The following MAGI2 variants were observed in gnomAD, a reference collection of about 807,000 sequenced individuals.
MAGI2 encodes the protein membrane-associated guanylate kinase, WW and PDZ domain-containing protein 2.
In MAGI2, 35 loss-of-function variants were observed where a neutral mutation model predicts 133.3. The observed-to-expected ratio is 0.26, with a 90% CI of 0.20 to 0.35. The LOEUF (loss-of-function observed/expected upper bound fraction) is 0.35, where lower values mean the gene tolerates loss of function less well. Ranked by LOEUF, MAGI2 falls within the 10% of genes least tolerant of loss-of-function variation. MAGI2 has a pLI of 1.00. For synonymous variants in MAGI2, 729 were observed against 710.6 expected (o/e 1.03, Z -0.41); for missense variants, 1,636 against 1,863.4 (o/e 0.88, Z 2.25).
At chr7:78,733,953 G>A (rs1233808340) in intron 2 of MAGI2, among the ~76,000 whole-genome samples, 1 of 152,134 alleles carries the variant, frequency 6.6e-6, no homozygotes, top group Non-Finnish European at 1.5e-5. Context: ...AAATAGCAAA[G>A]AACAATAGTA....
intron 3 of MAGI2, among the ~76,000 whole-genome samples, chr7:78,606,162 G>A (rs1399346763): frequency 3.3e-5 from 5 of 152,140 alleles, no homozygotes; most frequent in African/African-American, 1.2e-4. Context: ...GGGTGTACAG[G>A]AGGGACAGAA....
chr7:78,328,314 CTG>C (rs10549029), intron 9 of MAGI2, among the ~76,000 whole-genome samples: 1,754 of 152,104 alleles, frequency 0.012, 49 homozygotes, highest in African/African-American at 0.04. Flanking sequence ...AGGTTCTACT[CTG>C]TAAGTTTTGA....
At chr7:79,011,884 T>TTCCTTCCTTC (rs1562785044) in intron 1 of MAGI2, among the ~76,000 whole-genome samples, 64 of 103,378 alleles carry the variant, frequency 6.2e-4, no homozygotes, top group East Asian at 1.4e-3. Flanking sequence ...TTCCTTCCTT[T>TTCCTTCCTTC]CTTCCTTCCT....
At chr7:78,368,917 T>A (rs1168780757) in intron 7 of MAGI2, among the ~76,000 whole-genome samples, 1 of 152,124 alleles carries the variant, frequency 6.6e-6, no homozygotes, top group Non-Finnish European at 1.5e-5. Flanking sequence ...TAGAGGACAG[T>A]GTGAAACACA....
chr7:79,067,584 A>G (rs570066416), intron 1 of MAGI2, among the ~76,000 whole-genome samples: 60 of 152,284 alleles, frequency 3.9e-4, no homozygotes, highest in African/African-American at 1.2e-3. Flanking sequence ...TTCCTAATTG[A>G]ATACCATTTA....
chr7:79,003,305 G>T (rs1265430540), intron 2 of MAGI2, among the ~76,000 whole-genome samples: 2 of 152,122 alleles, frequency 1.3e-5, no homozygotes, highest in African/African-American at 4.8e-5. Context: ...GATGTAGTTG[G>T]TGGTAGAGTA....
At chr7:78,155,034 A>G (rs1377970823) in intron 16 of MAGI2, among the ~76,000 whole-genome samples, 3 of 152,236 alleles carry the variant, frequency 2.0e-5, no homozygotes, top group Non-Finnish European at 4.4e-5. Context: ...AAACTTCCCA[A>G]ATACACCAAA....
chr7:78,672,247 G>T (rs1255952787), intron 2 of MAGI2, among the ~76,000 whole-genome samples: 1 of 152,050 alleles, frequency 6.6e-6, no homozygotes, highest in Non-Finnish European at 1.5e-5. Flanking sequence ...AGAACTGGTT[G>T]TTAAAAAGAG....
chr7:78,647,232 T>C (rs1384862837), intron 2 of MAGI2, among the ~76,000 whole-genome samples: 1 of 151,864 alleles, frequency 6.6e-6, no homozygotes, highest in Non-Finnish European at 1.5e-5. Context: ...TGGGAGAAAA[T>C]TTTTGCAATC....
intron 2 of MAGI2, among the ~76,000 whole-genome samples, chr7:78,763,228 AAAAG>A (rs1431550508): frequency 1.3e-5 from 2 of 152,218 alleles, no homozygotes; most frequent in East Asian, 1.9e-4. Flanking sequence ...AATCAATCAT[AAAAG>A]AAAGACTTAT....
chr7:78,910,232 T>C (rs1798304784), intron 2 of MAGI2, among the ~76,000 whole-genome samples: 1 of 151,212 alleles, frequency 6.6e-6, no homozygotes, highest in South Asian at 2.1e-4. Flanking sequence ...CCTGCACATT[T>C]TGCACGTGAA....
At chr7:78,649,535 AAGTT>A (rs1441776024) in intron 2 of MAGI2, among the ~76,000 whole-genome samples, 2 of 152,178 alleles carry the variant, frequency 1.3e-5, no homozygotes, top group African/African-American at 2.4e-5. Context: ...CAAATTTAAA[AAGTT>A]AGTATCATTT....
chr7:79,005,489 G>A (rs936805731), intron 2 of MAGI2, among the ~76,000 whole-genome samples: 1 of 152,088 alleles, frequency 6.6e-6, no homozygotes, highest in African/African-American at 2.4e-5. Flanking sequence ...CTCTATTTAA[G>A]AAGTTAATTA....
chr7:78,425,030 G>A (rs1485138938), intron 6 of MAGI2, among the ~76,000 whole-genome samples: 1 of 152,066 alleles, frequency 6.6e-6, no homozygotes, highest in Non-Finnish European at 1.5e-5. Context: ...GATTTGGGAG[G>A]GGCCAGGGAC....
chr7:78,993,185 A>C (rs956844703), intron 2 of MAGI2, among the ~76,000 whole-genome samples: 2 of 152,098 alleles, frequency 1.3e-5, no homozygotes, highest in African/African-American at 4.8e-5. Context: ...TACATTTCTT[A>C]GTAGCTTATA....
intron 12 of MAGI2, among the ~76,000 whole-genome samples, chr7:78,186,781 A>C (rs921730950): frequency 6.6e-5 from 10 of 152,178 alleles, no homozygotes; most frequent in African/African-American, 2.4e-4. Context: ...GCATTATCCA[A>C]TAAAACACTT....
At chr7:78,184,938 G>C (rs538642704) in intron 13 of MAGI2, among the ~76,000 whole-genome samples, 91 of 152,224 alleles carry the variant, frequency 6.0e-4, no homozygotes, top group African/African-American at 2.0e-3. Context: ...TTCATTCTAT[G>C]TTAGCAACAT....
At chr7:78,397,475 T>C (rs1247325387) in intron 6 of MAGI2, among the ~76,000 whole-genome samples, 1 of 151,954 alleles carries the variant, frequency 6.6e-6, no homozygotes, top group East Asian at 1.9e-4. Context: ...GACAGGTTTC[T>C]AGGCAAATCA....
At chr7:79,077,325 A>G (rs1815556107) in intron 1 of MAGI2, among the ~76,000 whole-genome samples, 1 of 151,850 alleles carries the variant, frequency 6.6e-6, no homozygotes, top group East Asian at 1.9e-4. Context: ...TGGAAGGCCG[A>G]GGCGGGCGGA....
Sources: allele counts gnomAD v4.1 joint callset (sites outside exome capture counted in the v4.1 genomes callset), GRCh38; gene constraint gnomAD v4.1.1; transcripts MANE v1.5; gene names NCBI Gene and HGNC (gene_info 2026-07-23, HGNC 2026-07-21).